THSD7A: variants seen among roughly 807,000 people sequenced by gnomAD.
THSD7A encodes the protein thrombospondin type 1 domain containing 7A.
A neutral mutation model predicts 231.3 loss-of-function variants in THSD7A; 96 were observed. The ratio of observed to expected loss-of-function variants is 0.41; its 90% CI spans 0.35 to 0.49. The LOEUF (loss-of-function observed/expected upper bound fraction) is 0.49, where lower values mean the gene tolerates loss of function less well. THSD7A is among the 20% of genes least tolerant of loss of function. The probability of loss-of-function intolerance (pLI) is 0.05; values close to 1 mark genes in which losing one functional copy is unlikely to be tolerated. For synonymous variants in THSD7A, 940 were observed against 743.3 expected, an observed-to-expected ratio of 1.26 and a Z score of -4.30; for missense variants, 2,290 against 2,070.2, an observed-to-expected ratio of 1.11 and a Z score of -2.06.
At chr7:11,539,743 A>T (rs1789063208) in intron 6 of THSD7A, among the ~76,000 whole-genome samples, 1 of 152,250 alleles carries the variant, frequency 6.6e-6, no homozygotes, top group South Asian at 2.1e-4. Context: ...AATACCAGGA[A>T]GATCATTGTA....
intron 2 of THSD7A, among the ~76,000 whole-genome samples, chr7:11,602,076 A>G (rs1780571500): frequency 1.3e-5 from 2 of 152,180 alleles, no homozygotes; most frequent in African/African-American, 4.8e-5. Context: ...CACTGTCTCA[A>G]AGACACAGGA....
intron 23 of THSD7A, among the ~76,000 whole-genome samples, chr7:11,391,854 T>G (rs1467118614): frequency 1.3e-5 from 2 of 152,128 alleles, no homozygotes; most frequent in East Asian, 4.0e-4. Flanking sequence ...GGGCAGGGAA[T>G]CCCTGACCCC....
intron 4 of THSD7A, among the ~76,000 whole-genome samples, chr7:11,552,627 A>G (rs1008403434): frequency 2.0e-5 from 3 of 152,056 alleles, no homozygotes; most frequent in African/African-American, 7.2e-5. Flanking sequence ...GCCCCACATC[A>G]TTTTCCTTTT....
chr7:11,384,283 TC>T (rs1782640754), intron 23 of THSD7A: 1 of 151,850 alleles, frequency 6.6e-6, no homozygotes, highest in Admixed American at 6.6e-5. Flanking sequence ...TAGACATGAA[TC>T]CTTTGAAATT....
chr7:11,670,516 G>A (rs958029427), intron 1 of THSD7A, among the ~76,000 whole-genome samples: 16 of 152,162 alleles, frequency 1.1e-4, no homozygotes, highest in African/African-American at 3.4e-4. Context: ...TCTGAAAAAC[G>A]AATACAACCC....
At chr7:11,813,332 T>C (rs1352229058) in intron 1 of THSD7A, among the ~76,000 whole-genome samples, 2 of 152,184 alleles carry the variant, frequency 1.3e-5, no homozygotes, top group Non-Finnish European at 2.9e-5. Context: ...TAATTACTTA[T>C]CTTCTAATTA....
intron 1 of THSD7A, chr7:11,751,315 T>C (rs750961237): frequency 6.6e-6 from 1 of 151,976 alleles, no homozygotes; most frequent in Non-Finnish European, 1.5e-5. Flanking sequence ...AAGAGGGCAA[T>C]GGCTTTTCTA....
intron 6 of THSD7A, among the ~76,000 whole-genome samples, chr7:11,515,937 T>C (rs1468073699): frequency 6.6e-6 from 1 of 152,198 alleles, no homozygotes; most frequent in Non-Finnish European, 1.5e-5. Flanking sequence ...TCAAAATATT[T>C]CAAGTAGCAC....
At chr7:11,435,380 C>T (rs547264531) in intron 13 of THSD7A, among the ~76,000 whole-genome samples, 1 of 152,196 alleles carries the variant, frequency 6.6e-6, no homozygotes, top group South Asian at 2.1e-4. Context: ...GTAAGGATAT[C>T]TCAGGAAGGG....
At chr7:11,395,219 A>G (rs1187169865) in intron 23 of THSD7A, among the ~76,000 whole-genome samples, 1 of 152,140 alleles carries the variant, frequency 6.6e-6, no homozygotes, top group East Asian at 1.9e-4. Context: ...ATCAAAAGAG[A>G]CAAAGAAGAG....
chr7:11,646,998 G>A (rs1214607538), intron 1 of THSD7A, among the ~76,000 whole-genome samples: 1 of 152,030 alleles, frequency 6.6e-6, no homozygotes, highest in African/African-American at 2.4e-5. Flanking sequence ...CTTCTGAGGA[G>A]ATTTATGAAA....
chr7:11,769,151 A>ATTTTTTTTTCTTTTTTTT (rs1422492872), intron 1 of THSD7A, among the ~76,000 whole-genome samples: 1 of 35,490 alleles, frequency 2.8e-5, no homozygotes, highest in Non-Finnish European at 6.0e-5. Context: ...ATATATATAT[A>ATTTTTTTTTCTTTTTTTT]TATTTTTTTT....
At chr7:11,456,403 C>T (rs1785310446) in intron 11 of THSD7A, among the ~76,000 whole-genome samples, 1 of 152,018 alleles carries the variant, frequency 6.6e-6, no homozygotes. Context: ...GCAATTTCAT[C>T]CTTAAAGGCA....
chr7:11,511,634 T>A lies in THSD7A; in HGVS notation c.1823-29652A>T, dbSNP rs1207237945. Among the ~76,000 whole-genome samples, 3 of 151,914 alleles carry A rather than the reference T, an allele frequency of 2.0e-5. No homozygotes were observed. The East Asian group carries it at 5.8e-4, about 29-fold the overall frequency. The stretch of plus-strand genomic sequence containing the variant: ...GAGCCCTCAGAAATAATACCACACA[T>A]CTACAACTATCTGATCTTTGACAAA... On this transcript the variant is annotated intron_variant, in intron 6 of 27. Coordinates refer to ENST00000423059, the MANE Select transcript of THSD7A (RefSeq NM_015204.3).
intron 11 of THSD7A, among the ~76,000 whole-genome samples, chr7:11,450,149 C>T (rs1266462537): frequency 1.3e-5 from 2 of 151,938 alleles, no homozygotes; most frequent in Non-Finnish European, 1.5e-5. Flanking sequence ...ATTGCTCCAA[C>T]CATTATCCTG....
At chr7:11,440,016 T>C (rs2107156) in intron 13 of THSD7A, among the ~76,000 whole-genome samples, 33,331 of 151,810 alleles carry the variant, frequency 0.22, 5,209 homozygotes, top group African/African-American at 0.44. Flanking sequence ...AAGGGACAGA[T>C]TGACTCTTTT....
intron 8 of THSD7A, 117 bp from the exon 9 acceptor site, chr7:11,470,111 T>C (rs1489983613): frequency 2.2e-5 from 16 of 716,504 alleles, no homozygotes; most frequent in Non-Finnish European, 3.6e-5. Context: ...TCTGTATTAT[T>C]TAACTTCCAG....
At chr7:11,696,980 G>A (rs1309794699) in intron 1 of THSD7A, among the ~76,000 whole-genome samples, 1 of 151,370 alleles carries the variant, frequency 6.6e-6, no homozygotes, top group East Asian at 2.0e-4. Context: ...ATTCTGTGGA[G>A]AATATCAAAC....
In THSD7A at chr7:11,692,261, G is replaced by A. The variant is rs527847231; in HGVS notation, c.191-55300C>T. ...TACAGTCCTAACAGAATGGCTTCAC[G>A]TACTTCCTATGGAAGCATGCATTTA... is the stretch of plus-strand genomic sequence containing the variant. On this transcript the variant is annotated intron_variant, in intron 1 of 27. Coordinates refer to ENST00000423059, the MANE Select transcript of THSD7A (RefSeq NM_015204.3). Among the ~76,000 whole-genome samples, 39 of 151,580 alleles carry A rather than the reference G, an allele frequency of 2.6e-4. 1 individual carries two copies. The Middle Eastern group carries it at 0.01, about 40-fold the overall frequency.
Sources: allele counts gnomAD v4.1 joint callset (sites outside exome capture counted in the v4.1 genomes callset), GRCh38; gene constraint gnomAD v4.1.1; transcripts MANE v1.5; gene names NCBI Gene and HGNC (gene_info 2026-07-23, HGNC 2026-07-21).